DISC1: variants seen among roughly 807,000 people sequenced by gnomAD.
The protein encoded by DISC1 is DISC1 scaffold protein.
Under a neutral mutation model 84.5 loss-of-function variants are expected in DISC1, and 57 were observed. The ratio of observed to expected loss-of-function variants is 0.67; its 90% CI spans 0.55 to 0.84. The LOEUF is 0.84. Ranked by LOEUF, DISC1 falls within the 40% of genes least tolerant of loss-of-function variation. DISC1 has a pLI of 0.00. For synonymous variants in DISC1, 411 were observed against 415.2 expected, an observed-to-expected ratio of 0.99 and a Z score of 0.12; for missense variants, 1,000 against 1,057.8, an observed-to-expected ratio of 0.95 and a Z score of 0.76.
At chr1:231,871,811 G>A (rs1283900801) in intron 9 of DISC1, among the ~76,000 whole-genome samples, 10 of 152,300 alleles carry the variant, frequency 6.6e-5, no homozygotes, top group Non-Finnish European at 1.0e-4. Context: ...GACCAGCTCT[G>A]AATTGTTTCC....
In DISC1 at chr1:231,886,762, CCTTCCTTTCTTTCTTTCTTT is replaced by C. The variant is rs1273617000; in HGVS notation, c.1981+68249_1981+68268del. On this transcript the variant is annotated intron_variant, in intron 9 of 12. Coordinates refer to ENST00000439617, the MANE Select transcript of DISC1 (RefSeq NM_018662.3). ...CTTTCTCTTTCTTCCTTTCTTCCTT[CCTTCCTTTCTTTCTTTCTTT>C]CTTTCTTTCTTTCTTTCTTTCTTTC... Among the ~76,000 whole-genome samples the C allele has an allele frequency of 9.4e-3, 1,124 of 119,036 alleles. 16 individuals carry two copies. Among genetic ancestry groups the C allele is most frequent in the African/African-American group, 0.012 (363 of 30,920 alleles). 78.1% of individuals were successfully genotyped at this position (119,036 alleles called of 152,430 possible).
intron 1 of DISC1, among the ~76,000 whole-genome samples, chr1:231,638,732 C>T (rs538341562): frequency 3.9e-5 from 6 of 152,206 alleles, no homozygotes; most frequent in African/African-American, 1.4e-4. Context: ...CTATTTGTTA[C>T]CTATTGCTGT....
intron 9 of DISC1, chr1:231,866,651 T>G: frequency 6.4e-7 from 1 of 1,551,736 alleles, no homozygotes; most frequent in South Asian, 1.2e-5. Flanking sequence ...GCTCAACTAC[T>G]ATTAATTGAA....
At chr1:231,706,920 C>T (rs1202747388) in intron 3 of DISC1, among the ~76,000 whole-genome samples, 2 of 152,178 alleles carry the variant, frequency 1.3e-5, no homozygotes, top group African/African-American at 4.8e-5. Flanking sequence ...TCACAGGGAA[C>T]CTGCCTTACA....
rs1195029626 is a variant in DISC1 at position 231,716,746 on chromosome 1, G to C, written c.1117+14722G>C. 2.0e-5 allele frequency among the ~76,000 whole-genome samples: 3 copies of C among 152,254 alleles called. No individual in the cohort carries two copies. The South Asian group carries it at 6.2e-4, about 32-fold the overall frequency. Reference sequence around the variant, plus strand: ...CACCCTCATGGGCAGAGAAGGCTAAGGTGTAATTCTCAGGTAACCATTTAA... The same window carrying C: ...CACCCTCATGGGCAGAGAAGGCTAACGTGTAATTCTCAGGTAACCATTTAA... On this transcript the variant is annotated intron_variant, in intron 3 of 12. Transcript: ENST00000439617.
chr1:231,759,539 A>AC (rs1475002723), intron 4 of DISC1, among the ~76,000 whole-genome samples: 6 of 149,758 alleles, frequency 4.0e-5, no homozygotes, highest in East Asian at 2.0e-4. Context: ...AAAAAAAAAA[A>AC]AAAAAAAAAA....
At chr1:231,934,335 C>T (rs2126114275) in intron 9 of DISC1, among the ~76,000 whole-genome samples, 1 of 152,310 alleles carries the variant, frequency 6.6e-6, no homozygotes, top group Middle Eastern at 3.4e-3. Flanking sequence ...AGCTCCTCAG[C>T]ATTGTATCTT....
At chr1:231,944,153 C>G (rs1261553559) in intron 9 of DISC1, among the ~76,000 whole-genome samples, 2 of 152,202 alleles carry the variant, frequency 1.3e-5, no homozygotes, top group Non-Finnish European at 2.9e-5. Flanking sequence ...GCCTCCAGCT[C>G]TATTTTTCTG....
intron 6 of DISC1, 138 bp from the exon 7 acceptor site, chr1:231,795,104 A>G: frequency 1.3e-6 from 1 of 795,666 alleles, no homozygotes; most frequent in Non-Finnish European, 2.2e-6. Flanking sequence ...AAATGGAGCC[A>G]ATTTGGCATC....
At chr1:231,686,030 C>T (rs1462713706) in intron 1 of DISC1, among the ~76,000 whole-genome samples, 1 of 152,218 alleles carries the variant, frequency 6.6e-6, no homozygotes. Context: ...CACACTGATC[C>T]AAGAGGTGGG....
intron 6 of DISC1, among the ~76,000 whole-genome samples, chr1:231,791,618 T>C (rs1171424136): frequency 6.6e-6 from 1 of 152,224 alleles, no homozygotes; most frequent in African/African-American, 2.4e-5. Context: ...GTCTGGTGTG[T>C]TTCTGAAAAT....
intron 9 of DISC1, among the ~76,000 whole-genome samples, chr1:231,898,971 C>A (rs574235235): frequency 7.9e-4 from 119 of 151,228 alleles, no homozygotes; most frequent in African/African-American, 1.1e-3. Flanking sequence ...ACAAAAAAAA[C>A]CCCACAAAAA....
intron 9 of DISC1, among the ~76,000 whole-genome samples, chr1:231,844,143 G>C (rs916322118): frequency 4.6e-5 from 7 of 152,290 alleles, no homozygotes; most frequent in African/African-American, 1.4e-4. Flanking sequence ...GGGTTCCCCT[G>C]CCTTTAGGGA....
At chr1:231,655,024 G>A (rs1276517453) in intron 1 of DISC1, among the ~76,000 whole-genome samples, 1 of 152,088 alleles carries the variant, frequency 6.6e-6, no homozygotes, top group Non-Finnish European at 1.5e-5. Context: ...TTTCTTCCAA[G>A]GCTTTACACT....
chr1:231,831,794 T>A (rs1332364689), intron 9 of DISC1, among the ~76,000 whole-genome samples: 1 of 152,072 alleles, frequency 6.6e-6, no homozygotes, highest in Non-Finnish European at 1.5e-5. Context: ...GTGTCGTCCT[T>A]TTGCAAGAGT....
intron 1 of DISC1, among the ~76,000 whole-genome samples, chr1:231,667,790 TA>T (rs1321815859): frequency 6.6e-6 from 1 of 152,204 alleles, no homozygotes; most frequent in Non-Finnish European, 1.5e-5. Flanking sequence ...TGTAGGACAT[TA>T]AAAAATAAAT....
intron 9 of DISC1, among the ~76,000 whole-genome samples, chr1:231,877,722 A>G (rs2085995530): frequency 6.6e-6 from 1 of 152,262 alleles, no homozygotes; most frequent in African/African-American, 2.4e-5. Context: ...TTGGTGGAAC[A>G]TATATGTTCA....
intron 3 of DISC1, among the ~76,000 whole-genome samples, chr1:231,748,757 G>T (rs1435474873): frequency 6.6e-6 from 1 of 152,178 alleles, no homozygotes; most frequent in East Asian, 1.9e-4. Context: ...GAATGAGTTA[G>T]GAGGAATTCC....
At chr1:231,990,495 G>A (rs1250117218) in intron 10 of DISC1, among the ~76,000 whole-genome samples, 1 of 152,096 alleles carries the variant, frequency 6.6e-6, no homozygotes, top group African/African-American at 2.4e-5. Flanking sequence ...AAACATATGT[G>A]ATTGTTGGCA....
Sources: allele counts gnomAD v4.1 joint callset (sites outside exome capture counted in the v4.1 genomes callset), GRCh38; gene constraint gnomAD v4.1.1; transcripts MANE v1.5; gene names NCBI Gene and HGNC (gene_info 2026-07-23, HGNC 2026-07-21).